Variants in SNTG2 observed in about 807,000 individuals in gnomAD.
SNTG2 encodes gamma-2-syntrophin.
Under a neutral mutation model 70.9 loss-of-function variants are expected in SNTG2, and 74 were observed. That is an observed-to-expected ratio of 1.04 (90% CI 0.86 to 1.27). The LOEUF (loss-of-function observed/expected upper bound fraction) is 1.27. Among genes scored for constraint, SNTG2 ranks in the 50% most tolerant of loss-of-function variants. The pLI, the probability that SNTG2 is intolerant of heterozygous loss-of-function variation, is 0.00. For synonymous variants in SNTG2, 278 were observed against 273.8 expected, an observed-to-expected ratio of 1.02 and a Z score of -0.15; for missense variants, 717 against 690.7, an observed-to-expected ratio of 1.04 and a Z score of -0.43.
chr2:1,012,481 G>C (rs1008439691), intron 1 of SNTG2, among the ~76,000 whole-genome samples: 1 of 152,198 alleles, frequency 6.6e-6, no homozygotes, highest in South Asian at 2.1e-4. Flanking sequence ...GGGCGGCAGC[G>C]ACTTGGGGGG....
intron 16 of SNTG2, among the ~76,000 whole-genome samples, chr2:1,338,297 T>C (rs1163015898): frequency 1.3e-5 from 2 of 152,224 alleles, no homozygotes; most frequent in African/African-American, 4.8e-5. Context: ...AACACCTTAA[T>C]AACATTATGC....
intron 4 of SNTG2, among the ~76,000 whole-genome samples, chr2:1,113,788 A>G (rs1438902080): frequency 1.3e-5 from 2 of 151,720 alleles, no homozygotes; most frequent in East Asian, 1.9e-4. Context: ...CAGTCCTGTG[A>G]GGAGAATCGT....
chr2:1,173,002 C>G, intron 7 of SNTG2, 90 bp from the exon 8 acceptor site: 1 of 1,203,866 alleles, frequency 8.3e-7, no homozygotes, highest in Non-Finnish European at 1.2e-6. Flanking sequence ...GGTAACTTCC[C>G]ATGCACAGGT....
At chr2:1,036,333 T>G (rs1661127645) in intron 1 of SNTG2, among the ~76,000 whole-genome samples, 1 of 152,212 alleles carries the variant, frequency 6.6e-6, no homozygotes, top group East Asian at 1.9e-4. Context: ...TTATCTATAC[T>G]CTGATATTCT....
chr2:1,028,761 T>C (rs1037931379), intron 1 of SNTG2, among the ~76,000 whole-genome samples: 1 of 150,292 alleles, frequency 6.7e-6, no homozygotes, highest in Non-Finnish European at 1.5e-5. Flanking sequence ...TTTTAAATGC[T>C]AATCACATTT....
In SNTG2 at chr2:1,113,074, G is replaced by A. The variant is rs186708084; in HGVS notation, c.325+14664G>A. On this transcript the variant is annotated intron_variant, in intron 4 of 16. Transcript: ENST00000308624. The stretch of plus-strand genomic sequence containing the variant: ...TTGAGAAAGATGGTGTGTACTAAGT[G>A]AGGTTTAACCCTTACAGTCCTTTGA... 8.8e-4 allele frequency among the ~76,000 whole-genome samples: 133 copies of A among 151,588 alleles called. 10 individuals are homozygous for A. The highest frequency in any genetic ancestry group is 3.1e-3 in the African/African-American group (127 of 41,122).
At chr2:1,290,503 C>T (rs567204193) in intron 14 of SNTG2, among the ~76,000 whole-genome samples, 17 of 152,154 alleles carry the variant, frequency 1.1e-4, no homozygotes, top group Middle Eastern at 3.4e-3. Flanking sequence ...TTAGTAGAGA[C>T]GGGGTTTTGC....
Position 951,998 on chromosome 2 carries a change from A to G in SNTG2, c.72+930A>G, listed in dbSNP as rs117829835. On this transcript the variant is annotated intron_variant, in intron 1 of 16. Coordinates refer to ENST00000308624, the MANE Select transcript of SNTG2 (RefSeq NM_018968.4). ...GCTGCTACAAATTCCTATCGTCATAATAATGATTCTAAACTAGGACTGTGG... is the reference window on the plus strand; with the variant it reads ...GCTGCTACAAATTCCTATCGTCATAGTAATGATTCTAAACTAGGACTGTGG... Among the ~76,000 whole-genome samples the G allele has an allele frequency of 3.9e-3, 598 of 152,358 alleles. 11 individuals carry two copies. The highest frequency in any genetic ancestry group is 0.032 in the East Asian group (165 of 5,186).
At chr2:1,288,216 A>C (rs1437880550) in intron 14 of SNTG2, among the ~76,000 whole-genome samples, 1 of 152,144 alleles carries the variant, frequency 6.6e-6, no homozygotes, top group Non-Finnish European at 1.5e-5. Flanking sequence ...TAGGCCTTGG[A>C]GAACCTACAG....
At chr2:1,230,318 G>A (rs1044629263) in intron 9 of SNTG2, among the ~76,000 whole-genome samples, 6 of 152,208 alleles carry the variant, frequency 3.9e-5, no homozygotes, top group Admixed American at 6.5e-5. Flanking sequence ...GGGCAGCCAG[G>A]ATCAGAGGGA....
At chr2:1,100,240 C>T (rs1289925027) in intron 4 of SNTG2, among the ~76,000 whole-genome samples, 1 of 151,952 alleles carries the variant, frequency 6.6e-6, no homozygotes, top group Non-Finnish European at 1.5e-5. Context: ...GATCTCGGCT[C>T]ACTGCAACCT....
intron 1 of SNTG2, among the ~76,000 whole-genome samples, chr2:967,299 C>A (rs918014131): frequency 5.3e-5 from 8 of 152,126 alleles, no homozygotes; most frequent in African/African-American, 1.7e-4. Flanking sequence ...GCCTTATTCC[C>A]TATCTTAAAG....
chr2:1,173,032 G>A lies in SNTG2; in HGVS notation c.500-60G>A, dbSNP rs907013410. 46 of 1,469,844 alleles carry A rather than the reference G, an allele frequency of 3.1e-5. No homozygotes were observed. In the Admixed American group the frequency reaches 7.9e-4, roughly 25 times the overall value. 91.1% of individuals were successfully genotyped at this position (1,469,844 alleles called of 1,614,324 possible). On this transcript the variant is annotated intron_variant, in intron 7 of 16. Coordinates refer to ENST00000308624, the MANE Select transcript of SNTG2 (RefSeq NM_018968.4). ...ACAGGTAGAACTGAAGTCACTGCAT[G>A]GTCACAGTGTGCTTTGTCAGTGGCA...
chr2:1,255,157 G>A (rs1168962291), intron 12 of SNTG2, among the ~76,000 whole-genome samples: 4 of 152,182 alleles, frequency 2.6e-5, no homozygotes, highest in East Asian at 1.9e-4. Flanking sequence ...AAGCCATGGC[G>A]TGGAGCCAGT....
intron 12 of SNTG2, among the ~76,000 whole-genome samples, chr2:1,250,215 G>A (rs961496240): frequency 1.3e-5 from 2 of 152,090 alleles, no homozygotes; most frequent in South Asian, 2.1e-4. Context: ...CTCTGTCTCC[G>A]CCACCTGGCT....
chr2:1,236,347 G>A (rs888594873), intron 9 of SNTG2, among the ~76,000 whole-genome samples: 13 of 152,180 alleles, frequency 8.5e-5, no homozygotes, highest in Non-Finnish European at 1.3e-4. Flanking sequence ...AAGGCCCCAC[G>A]GGAAGCGATG....
chr2:1,136,325 GAC>G (rs1668383139), intron 4 of SNTG2, among the ~76,000 whole-genome samples: 2 of 151,736 alleles, frequency 1.3e-5, no homozygotes, highest in African/African-American at 4.8e-5. Context: ...GAGACAGAGA[GAC>G]ACAGAGACAG....
intron 1 of SNTG2, among the ~76,000 whole-genome samples, chr2:1,075,397 T>A (rs1433003470): frequency 6.6e-6 from 1 of 152,210 alleles, no homozygotes; most frequent in Admixed American, 6.5e-5. Context: ...GTCTCTAAAC[T>A]TCAAACTCTT....
chr2:1,249,351 TGAA>T (rs1354050875), intron 12 of SNTG2, among the ~76,000 whole-genome samples: 3 of 152,234 alleles, frequency 2.0e-5, no homozygotes, highest in Non-Finnish European at 4.4e-5. Context: ...CTTTTACAGA[TGAA>T]GGTCATGTGT....
Sources: allele counts gnomAD v4.1 joint callset (sites outside exome capture counted in the v4.1 genomes callset), GRCh38; gene constraint gnomAD v4.1.1; transcripts MANE v1.5; gene names NCBI Gene and HGNC (gene_info 2026-07-23, HGNC 2026-07-21).